The following TRPM3 variants were observed in gnomAD, a reference collection of about 807,000 sequenced individuals.
TRPM3 encodes long transient receptor potential channel 3.
TRPM3 carries 77 observed loss-of-function variants against 181.2 expected under a neutral mutation model. The observed-to-expected ratio is 0.42, with a 90% CI of 0.35 to 0.51. The LOEUF (loss-of-function observed/expected upper bound fraction) is 0.51. Among genes scored for constraint, TRPM3 ranks in the 20% least tolerant of loss-of-function variants. The pLI, the probability that TRPM3 is intolerant of heterozygous loss-of-function variation, is 0.01. For missense variants in TRPM3, 1,759 were observed against 2,196.7 expected, an observed-to-expected ratio of 0.80 and a Z score of 3.98; for synonymous variants, 745 against 796.4, an observed-to-expected ratio of 0.94 and a Z score of 1.09.
chr9:71,399,526 G>GTTTTTTTTTTTTTTTTTTT (rs1166936123), intron 1 of TRPM3, among the ~76,000 whole-genome samples: 1 of 62,684 alleles, frequency 1.6e-5, no homozygotes, highest in Non-Finnish European at 3.8e-5. Flanking sequence ...ATTTTCTTTT[G>GTTTTTTTTTTTTTTTTTTT]TTTTTTTTTT....
chr9:71,333,527 G>A (rs1274683432), intron 1 of TRPM3, among the ~76,000 whole-genome samples: 3 of 152,128 alleles, frequency 2.0e-5, no homozygotes, highest in South Asian at 4.1e-4. Context: ...ACTGCCATGT[G>A]ATAAGTTGCC....
chr9:71,404,295 T>C (rs2093395839), intron 1 of TRPM3, among the ~76,000 whole-genome samples: 1 of 152,190 alleles, frequency 6.6e-6, no homozygotes. Flanking sequence ...TGATGAATAA[T>C]TGCTTGTTAC....
At chr9:71,085,379 C>A (rs1018206214) in intron 1 of TRPM3, among the ~76,000 whole-genome samples, 1 of 151,980 alleles carries the variant, frequency 6.6e-6, no homozygotes, top group African/African-American at 2.4e-5. Context: ...GCAAACAGTG[C>A]ATTCAGCAAA....
chr9:70,850,501 T>C (rs532312875), intron 3 of TRPM3, among the ~76,000 whole-genome samples: 2 of 152,256 alleles, frequency 1.3e-5, no homozygotes, highest in African/African-American at 2.4e-5. Flanking sequence ...ATGGCCTTGA[T>C]TGTGCTGATT....
At chr9:70,830,626 T>C (rs1258820878) in intron 5 of TRPM3, among the ~76,000 whole-genome samples, 3 of 152,224 alleles carry the variant, frequency 2.0e-5, no homozygotes. Context: ...TGTCCTAATT[T>C]AGTTTTCAGT....
chr9:71,198,179 T>C (rs965071015), intron 1 of TRPM3, among the ~76,000 whole-genome samples: 1 of 151,908 alleles, frequency 6.6e-6, no homozygotes, highest in Non-Finnish European at 1.5e-5. Context: ...ATCAGATAGT[T>C]GTAGATATGT....
intron 25 of TRPM3, among the ~76,000 whole-genome samples, chr9:70,542,176 A>G (rs1053235248): frequency 1.3e-5 from 2 of 152,190 alleles, no homozygotes; most frequent in African/African-American, 2.4e-5. Flanking sequence ...AACAGGCCTG[A>G]GGTATATACC....
intron 1 of TRPM3, among the ~76,000 whole-genome samples, chr9:71,338,172 C>T (rs1035914839): frequency 6.6e-6 from 1 of 152,018 alleles, no homozygotes; most frequent in African/African-American, 2.4e-5. Context: ...TCAGCCATCC[C>T]TTTTTGAACC....
intron 1 of TRPM3, among the ~76,000 whole-genome samples, chr9:71,256,571 G>T (rs1249463469): frequency 6.6e-6 from 1 of 152,114 alleles, no homozygotes; most frequent in Non-Finnish European, 1.5e-5. Flanking sequence ...CTTTAAAAAG[G>T]TGATATTTGT....
At chr9:71,019,242 T>C (rs2097820033) in intron 1 of TRPM3, among the ~76,000 whole-genome samples, 1 of 151,852 alleles carries the variant, frequency 6.6e-6, no homozygotes, top group African/African-American at 2.4e-5. Flanking sequence ...TGTTCAATAT[T>C]TATTGGAGGT....
chr9:70,923,951 C>T (rs1380919642), intron 1 of TRPM3, among the ~76,000 whole-genome samples: 1 of 151,276 alleles, frequency 6.6e-6, no homozygotes, highest in African/African-American at 2.4e-5. Flanking sequence ...TATATATACA[C>T]ACACACACAT....
At chr9:70,562,533 C>G (rs916045222) in intron 22 of TRPM3, among the ~76,000 whole-genome samples, 1 of 151,706 alleles carries the variant, frequency 6.6e-6, no homozygotes, top group Non-Finnish European at 1.5e-5. Context: ...CTATTCAGAA[C>G]CCACTATTAA....
In TRPM3 at chr9:70,552,897, C is replaced by G. The variant is rs777039185; in HGVS notation, c.3521G>C (p.Cys1174Ser). ...GCTCTCGTGTTTCCTCCATCGGCAG[C>G]ACAGGTGCTGGAATATCATGGTCAT... ...SHMTMIFQHL[C>S]CRWRKHESDP... Residue 1174 changes from cysteine (C) to serine (S), a missense_variant, in exon 24 of 26, where the codon TGC becomes TCC. Physicochemically the swap from Cys to Ser is moderately radical, Grantham distance 112 (BLOSUM62 -1). Around this residue, in one of 8 missense-constraint regions of TRPM3, gnomAD observed 96 missense variants for 129.6 expected, o/e 0.74. Coordinates refer to ENST00000677713, the MANE Select transcript of TRPM3 (RefSeq NM_001366145.2). 1 of 1,614,206 alleles carries G rather than the reference C, an allele frequency of 6.2e-7. No individual in the cohort carries two copies. The highest frequency in any genetic ancestry group is 8.5e-7 in the Non-Finnish European group (1 of 1,180,042).
At chr9:70,911,072 T>A (rs563328954) in intron 1 of TRPM3, among the ~76,000 whole-genome samples, 1 of 152,194 alleles carries the variant, frequency 6.6e-6, no homozygotes, top group Non-Finnish European at 1.5e-5. Context: ...CAAGATTATA[T>A]AACTTAAACA....
chr9:70,855,883 T>C (rs2095373293), intron 3 of TRPM3, among the ~76,000 whole-genome samples: 3 of 152,092 alleles, frequency 2.0e-5, no homozygotes, highest in African/African-American at 7.2e-5. Context: ...TAAAAAAATA[T>C]CCTTAGAAAA....
At chr9:71,285,080 G>C (rs1429415756) in intron 1 of TRPM3, among the ~76,000 whole-genome samples, 2 of 152,156 alleles carry the variant, frequency 1.3e-5, no homozygotes, top group East Asian at 3.8e-4. Context: ...CATGAAACTT[G>C]GGAGATGGGA....
rs1172209132 is a variant in TRPM3, at chr9:70,995,183, T to TA, written c.177+125994dup. Among the ~76,000 whole-genome samples, 3 of 152,330 alleles carry TA rather than the reference T, an allele frequency of 2.0e-5. No homozygotes were observed. The East Asian group carries it at 5.8e-4, about 29-fold the overall frequency. On this transcript the variant is annotated intron_variant, in intron 1 of 25. Coordinates refer to ENST00000677713, the MANE Select transcript of TRPM3 (RefSeq NM_001366145.2). ...AATTAGTCTACAAGTCTCTACAGTA[T>TA]AACACGTGGGTGCTGACTAGTTTTT...
chr9:71,371,479 T>A (rs1171946874), intron 1 of TRPM3, among the ~76,000 whole-genome samples: 1 of 152,206 alleles, frequency 6.6e-6, no homozygotes, highest in Non-Finnish European at 1.5e-5. Context: ...TAACTACAGA[T>A]GTAGTAGAAC....
chr9:70,866,499 C>T (rs1415069200), intron 1 of TRPM3, among the ~76,000 whole-genome samples: 2 of 152,024 alleles, frequency 1.3e-5, no homozygotes, highest in Non-Finnish European at 2.9e-5. Context: ...ATGGAGACAA[C>T]AGCAATACCT....
Sources: gnomAD v4.1 joint callset for allele counts (sites outside exome capture counted in the v4.1 genomes callset) on GRCh38, gnomAD v4.1.1 for gene constraint, gnomAD v4.1.1 regional missense constraint, MANE v1.5 for transcripts, NCBI Gene and HGNC (gene_info 2026-07-23, HGNC 2026-07-21) for gene names.